Variants in CDH12 observed in about 807,000 individuals in gnomAD.
CDH12 encodes the protein cadherin 12, also known as cadherin-12.
Under a neutral mutation model 74.1 loss-of-function variants are expected in CDH12, and 41 were observed. That is an observed-to-expected ratio of 0.55 (90% CI 0.43 to 0.72). The LOEUF (loss-of-function observed/expected upper bound fraction) is 0.72, where lower values mean the gene tolerates loss of function less well. CDH12 is among the 30% of genes least tolerant of loss of function. The pLI is 0.00. For missense variants in CDH12, 945 were observed against 977.2 expected (o/e 0.97, Z 0.44); for synonymous variants, 399 against 355.0 (o/e 1.12, Z -1.39).
chr5:22,818,365 A>C (rs1749495779), intron 1 of CDH12, among the ~76,000 whole-genome samples: 1 of 152,010 alleles, frequency 6.6e-6, no homozygotes. Flanking sequence ...ATTATACATC[A>C]CAGCTTTCCC....
intron 3 of CDH12, among the ~76,000 whole-genome samples, chr5:22,374,945 TA>T (rs200607076): frequency 7.2e-5 from 11 of 151,734 alleles, no homozygotes; most frequent in African/African-American, 2.7e-4. Context: ...TTCACAGAAT[TA>T]AAAAAAATCC....
intron 7 of CDH12, among the ~76,000 whole-genome samples, chr5:21,853,912 G>T (rs891907418): frequency 5.3e-5 from 8 of 151,606 alleles, no homozygotes; most frequent in Non-Finnish European, 3.0e-5. Context: ...AACCATCGTT[G>T]TGGGGTTTCT....
At chr5:21,998,848 T>C (rs933806929) in intron 5 of CDH12, among the ~76,000 whole-genome samples, 5 of 152,164 alleles carry the variant, frequency 3.3e-5, no homozygotes, top group African/African-American at 7.2e-5. Flanking sequence ...TTCTTTTCCT[T>C]CTCAAGGGAA....
chr5:22,683,491 T>C (rs1213617326), intron 1 of CDH12, among the ~76,000 whole-genome samples: 2 of 152,214 alleles, frequency 1.3e-5, no homozygotes, highest in Admixed American at 1.3e-4. Context: ...TCATTTCATT[T>C]ATGCTTATAA....
At chr5:22,282,447 G>A (rs752138522) in intron 3 of CDH12, among the ~76,000 whole-genome samples, 2 of 152,082 alleles carry the variant, frequency 1.3e-5, no homozygotes, top group African/African-American at 2.4e-5. Context: ...TATCATCTGA[G>A]TAAACAGGCA....
intron 4 of CDH12, among the ~76,000 whole-genome samples, chr5:22,105,991 G>T (rs1348788792): frequency 6.6e-6 from 1 of 152,124 alleles, no homozygotes; most frequent in East Asian, 1.9e-4. Context: ...TTATTTCCAG[G>T]TTGGTATATG....
intron 1 of CDH12, among the ~76,000 whole-genome samples, chr5:22,709,023 G>A (rs1188647409): frequency 6.6e-6 from 1 of 151,992 alleles, no homozygotes; most frequent in Non-Finnish European, 1.5e-5. Context: ...GCTTGAACTG[G>A]GACCTAAAAA....
At chr5:22,267,847 G>C (rs911002427) in intron 3 of CDH12, among the ~76,000 whole-genome samples, 1 of 152,100 alleles carries the variant, frequency 6.6e-6, no homozygotes, top group African/African-American at 2.4e-5. Flanking sequence ...GAAAAATACA[G>C]AAAATAGAGC....
intron 2 of CDH12, among the ~76,000 whole-genome samples, chr5:22,488,243 C>A (rs923451127): frequency 3.3e-5 from 5 of 152,102 alleles, no homozygotes; most frequent in Non-Finnish European, 7.4e-5. Flanking sequence ...AATAACGCAG[C>A]AAAAATGACT....
At chr5:22,616,398 A>T (rs630744) in intron 1 of CDH12, among the ~76,000 whole-genome samples, 84,459 of 151,854 alleles carry the variant, frequency 0.56, 23,826 homozygotes, top group East Asian at 0.68. Context: ...TAGATGTGTG[A>T]ATTTGAGTAT....
At chr5:22,342,677 CTTCT>C (rs1163062383) in intron 3 of CDH12, among the ~76,000 whole-genome samples, 18 of 136,554 alleles carry the variant, frequency 1.3e-4, no homozygotes, top group Non-Finnish European at 1.1e-4. Flanking sequence ...CTTTCCTTTC[CTTCT>C]TTTTCTTTCT....
intron 5 of CDH12, among the ~76,000 whole-genome samples, chr5:22,027,842 C>T (rs542401583): frequency 3.2e-4 from 49 of 152,058 alleles, no homozygotes; most frequent in Non-Finnish European, 5.7e-4. Flanking sequence ...TTAGTTATTT[C>T]TTGCCTTCTG....
chr5:22,755,081 C>T (rs1046700700), intron 1 of CDH12, among the ~76,000 whole-genome samples: 1 of 152,166 alleles, frequency 6.6e-6, no homozygotes, highest in Non-Finnish European at 1.5e-5. Flanking sequence ...ATGGATCTTA[C>T]ATAAGGTATC....
At chr5:22,539,205 A>G (rs1361942736) in intron 1 of CDH12, among the ~76,000 whole-genome samples, 1 of 152,228 alleles carries the variant, frequency 6.6e-6, no homozygotes, top group Non-Finnish European at 1.5e-5. Context: ...GTCTGCAAAT[A>G]ATATCTACAG....
chr5:22,150,080 T>C (rs190767027), intron 4 of CDH12, among the ~76,000 whole-genome samples: 1 of 152,308 alleles, frequency 6.6e-6, no homozygotes, highest in African/African-American at 2.4e-5. Flanking sequence ...CATTAGTACA[T>C]GGTTTCAATG....
chr5:21,866,330 C>G (rs1579861897), intron 6 of CDH12, among the ~76,000 whole-genome samples: 2 of 152,256 alleles, frequency 1.3e-5, no homozygotes, highest in East Asian at 3.9e-4. Context: ...TTGGAGGGCT[C>G]AGAAGAAGAC....
chr5:22,576,751 T>TG (rs1407423381), intron 1 of CDH12, among the ~76,000 whole-genome samples: 2 of 151,952 alleles, frequency 1.3e-5, no homozygotes, highest in East Asian at 1.9e-4. Flanking sequence ...AGTAGTTCAG[T>TG]GGGGAGAGAA....
At position 22,459,047 on chromosome 5, in the gene CDH12, A is replaced by G. The variant is rs1031035551; in HGVS notation, c.-428+46223T>C. 2.0e-5 allele frequency among the ~76,000 whole-genome samples: 3 copies of G among 152,136 alleles called. No homozygotes were observed. In the East Asian group the frequency reaches 5.8e-4, roughly 29 times the overall value. The stretch of plus-strand genomic sequence containing the variant: ...TGCTATAATCACTGTACGAGGTTAA[A>G]CTGTACCCTCAGCAAGAAAATTAGT... On this transcript the variant is annotated intron_variant, in intron 2 of 14. Transcript: ENST00000382254.
At chr5:22,757,167 T>C (rs1339083487) in intron 1 of CDH12, among the ~76,000 whole-genome samples, 1 of 152,114 alleles carries the variant, frequency 6.6e-6, no homozygotes, top group African/African-American at 2.4e-5. Flanking sequence ...CTTTTCTTCT[T>C]CCTGTAGATG....
Sources: allele counts gnomAD v4.1 joint callset (sites outside exome capture counted in the v4.1 genomes callset), GRCh38; gene constraint gnomAD v4.1.1; transcripts MANE v1.5; gene names NCBI Gene and HGNC (gene_info 2026-07-23, HGNC 2026-07-21).